The following VEZT variants were observed in gnomAD, a reference collection of about 807,000 sequenced individuals.
VEZT encodes vezatin.
Under a neutral mutation model 79.9 loss-of-function variants are expected in VEZT, and 39 were observed. That is an observed-to-expected ratio of 0.49 (90% CI 0.38 to 0.64). The LOEUF (loss-of-function observed/expected upper bound fraction) is 0.64. VEZT is among the 30% of genes least tolerant of loss of function. VEZT has a pLI of 0.00. For missense variants in VEZT, 837 were observed against 893.1 expected, an observed-to-expected ratio of 0.94 and a Z score of 0.80; for synonymous variants, 325 against 327.6, an observed-to-expected ratio of 0.99 and a Z score of 0.09.
intron 1 of VEZT, among the ~76,000 whole-genome samples, chr12:95,243,029 A>T (rs960638930): frequency 6.6e-6 from 1 of 152,052 alleles, no homozygotes; most frequent in African/African-American, 2.4e-5. Context: ...TTTTTAAAAG[A>T]CTTTTATTAT....
At position 95,302,791 on chromosome 12, in the gene VEZT, T is replaced by C. The variant is rs2075346042; in HGVS notation, c.*2118T>C. On this transcript the variant is annotated 3_prime_UTR_variant, in exon 12 of 12. Coordinates refer to ENST00000436874, the MANE Select transcript of VEZT (RefSeq NM_017599.4). ...ATGTCCAATAAAATCTAGGAACCTCTGTCTGGAACTTTGCTCTTCTTGCCA... is the reference window on the plus strand; with the variant it reads ...ATGTCCAATAAAATCTAGGAACCTCCGTCTGGAACTTTGCTCTTCTTGCCA... 1 of 152,128 alleles carries C rather than the reference T, an allele frequency of 6.6e-6. No homozygotes were observed. The highest frequency in any genetic ancestry group is 1.5e-5 in the Non-Finnish European group (1 of 68,028). 9.4% of individuals were successfully genotyped at this position (152,128 alleles called of 1,614,324 possible). A position where few individuals can be genotyped will look rare whatever the true frequency, so the allele number is the denominator to read the frequency against.
Position 95,300,419 on chromosome 12 carries a change from A to C in VEZT, c.2086A>C (p.Ser696Arg), listed in dbSNP as rs978154991. Residue 696 changes from serine (S) to arginine (R), a missense_variant, in exon 12 of 12, where the codon AGT becomes CGT. By Grantham distance (110) the Ser-to-Arg change is moderately radical. Coordinates refer to ENST00000436874, the MANE Select transcript of VEZT (RefSeq NM_017599.4). ...AEERMCYQCE[S>R]EDEPQADGSG... ...AGAAAGAATGTGTTACCAATGTGAGAGTGAAGATGAACCACAAGCAGATGG... is the reference window on the plus strand; with the variant it reads ...AGAAAGAATGTGTTACCAATGTGAGCGTGAAGATGAACCACAAGCAGATGG... The C allele has an allele frequency of 2.5e-6, 4 of 1,613,878 alleles. No individual in the cohort carries two copies. In the African/African-American group the frequency reaches 4.0e-5, roughly 16 times the overall value.
At chr12:95,256,595 T>C (rs2063522526) in intron 2 of VEZT, 2 of 1,289,908 alleles carry the variant, frequency 1.6e-6, no homozygotes, top group Non-Finnish European at 2.0e-6. Flanking sequence ...CTGCACTTAC[T>C]GGCATGCTCA....
At position 95,287,778 on chromosome 12, in the gene VEZT, C is replaced by T. The variant is rs12424550; in HGVS notation, c.1443C>T (p.His481=). 0.15 allele frequency: 235,889 copies of T among 1,606,838 alleles called. 18,630 individuals carry two copies. The highest frequency in any genetic ancestry group is 0.16 in the Non-Finnish European group (194,047 of 1,176,184). The part of the protein sequence containing the change: ...LEQKLKLIQP[H]VQASNNCWEE... ...AGAAATTAAAGTTGATTCAGCCCCA[C>T]GTTCAAGCAAGCAACAATTGCTGGG... The change falls in exon 9 of 12, where the codon CAC becomes CAT. Residue 481 remains histidine (H), a synonymous_variant. Transcript: ENST00000436874.
At chr12:95,244,351 T>C (rs1213486656) in intron 1 of VEZT, among the ~76,000 whole-genome samples, 3 of 152,156 alleles carry the variant, frequency 2.0e-5, no homozygotes, top group African/African-American at 4.8e-5. Flanking sequence ...TGCACACCAC[T>C]GCATGGGTGA....
chr12:95,220,750 C>A (rs1317785852), intron 1 of VEZT, among the ~76,000 whole-genome samples: 1 of 151,534 alleles, frequency 6.6e-6, no homozygotes, highest in Non-Finnish European at 1.5e-5. Flanking sequence ...TTTTTAAATT[C>A]ATTCTTCTAT....
intron 4 of VEZT, among the ~76,000 whole-genome samples, chr12:95,264,869 CTTTTTTTTTTTT>C (rs71078693): frequency 8.8e-6 from 1 of 113,332 alleles, no homozygotes. Flanking sequence ...CTTTTCTTTT[CTTTTTTTTTTTT>C]TTTTTTTTTG....
intron 3 of VEZT, among the ~76,000 whole-genome samples, chr12:95,262,033 CT>C (rs1246493333): frequency 6.6e-6 from 1 of 152,196 alleles, no homozygotes; most frequent in Non-Finnish European, 1.5e-5. Flanking sequence ...ATTAGAAAGG[CT>C]TTTATCCTGT....
At chr12:95,274,140 A>C (rs896572268) in intron 6 of VEZT, among the ~76,000 whole-genome samples, 5 of 152,180 alleles carry the variant, frequency 3.3e-5, no homozygotes. Context: ...GACACAGTAA[A>C]GTGCACAATA....
chr12:95,272,136 T>C (rs2886933), intron 6 of VEZT, among the ~76,000 whole-genome samples: 43,569 of 152,024 alleles, frequency 0.29, 7,137 homozygotes, highest in African/African-American at 0.45. Context: ...GCCACTGCAT[T>C]CCAGCCTGGG....
At chr12:95,275,577 C>CA (rs71078694) in intron 7 of VEZT, among the ~76,000 whole-genome samples, 64 of 142,660 alleles carry the variant, frequency 4.5e-4, no homozygotes, top group Middle Eastern at 3.6e-3. Flanking sequence ...AACTCCATCT[C>CA]AAAAAAAAAA....
intron 9 of VEZT, among the ~76,000 whole-genome samples, chr12:95,292,944 G>A (rs1043024489): frequency 6.3e-5 from 9 of 143,608 alleles, no homozygotes; most frequent in African/African-American, 1.3e-4. Context: ...TCCATCTCCC[G>A]GGTTCAAACG....
chr12:95,292,548 A>ATTTT (rs11428521), intron 9 of VEZT, among the ~76,000 whole-genome samples: 3 of 135,500 alleles, frequency 2.2e-5, no homozygotes, highest in Non-Finnish European at 3.1e-5. Context: ...GATAACTGTA[A>ATTTT]TTTTTTTTTT....
chr12:95,251,006 T>C (rs1180974577), intron 1 of VEZT, among the ~76,000 whole-genome samples: 2 of 151,982 alleles, frequency 1.3e-5, no homozygotes, highest in African/African-American at 4.8e-5. Context: ...AATCTGTAGA[T>C]TGGTTTTTGT....
intron 11 of VEZT, chr12:95,299,109 G>A (rs1178837851): frequency 6.5e-6 from 1 of 154,818 alleles, no homozygotes; most frequent in African/African-American, 2.4e-5. Flanking sequence ...AAGTCCGCAT[G>A]GAATTAGAGG....
At chr12:95,260,098 CTTTTTT>C (rs56756447) in intron 3 of VEZT, among the ~76,000 whole-genome samples, 8 of 68,506 alleles carry the variant, frequency 1.2e-4, no homozygotes, top group East Asian at 4.7e-4. Flanking sequence ...TGGTTGATCA[CTTTTTT>C]TTTTTTTTTT....
At chr12:95,225,480 C>T (rs2058289626) in intron 1 of VEZT, among the ~76,000 whole-genome samples, 1 of 151,984 alleles carries the variant, frequency 6.6e-6, no homozygotes, top group Non-Finnish European at 1.5e-5. Context: ...TGGCGTAAAC[C>T]CAGGAGGCTG....
intron 1 of VEZT, among the ~76,000 whole-genome samples, chr12:95,244,590 C>CTT (rs370661900): frequency 8.3e-5 from 12 of 144,208 alleles, no homozygotes; most frequent in East Asian, 2.0e-4. Context: ...CCTCTTGCCT[C>CTT]TTTTTTTTTT....
intron 8 of VEZT, among the ~76,000 whole-genome samples, chr12:95,284,567 A>G (rs2070100706): frequency 6.6e-6 from 1 of 152,238 alleles, no homozygotes; most frequent in Non-Finnish European, 1.5e-5. Flanking sequence ...AACATACTAT[A>G]GAAGGGTTTG....
Sources: allele counts gnomAD v4.1 joint callset (sites outside exome capture counted in the v4.1 genomes callset), GRCh38; gene constraint gnomAD v4.1.1; transcripts MANE v1.5; gene names NCBI Gene and HGNC (gene_info 2026-07-23, HGNC 2026-07-21).